TMEM196: variants seen among roughly 807,000 people sequenced by gnomAD.
TMEM196 encodes the protein transmembrane protein 196.
Under a neutral mutation model 20.0 loss-of-function variants are expected in TMEM196, and 17 were observed. The observed-to-expected ratio is 0.85, with a 90% CI of 0.58 to 1.27. The LOEUF is 1.27. Ranked by LOEUF, TMEM196 falls within the 50% of genes most tolerant of loss-of-function variation. The pLI is 0.00. For synonymous variants in TMEM196, 113 were observed against 88.9 expected, an observed-to-expected ratio of 1.27 and a Z score of -1.52; for missense variants, 267 against 223.0, an observed-to-expected ratio of 1.20 and a Z score of -1.26.
At position 19,769,049 on chromosome 7, in the gene TMEM196, GCTTTTACTTCCA is replaced by G. The variant is rs150585131; in HGVS notation, c.147+3489_147+3500del. Among the ~76,000 whole-genome samples the G allele has an allele frequency of 9.0e-3, 1,366 of 152,180 alleles. 19 individuals are homozygous for G. Among genetic ancestry groups the G allele is most frequent in the African/African-American group, 0.031 (1,283 of 41,536 alleles). The stretch of plus-strand genomic sequence containing the variant: ...ATAAAAATAATCCTTTTATAGTGCA[GCTTTTACTTCCA>G]CTGACTTTTAAATTTAATTCAGCAA... On this transcript the variant is annotated intron_variant, in intron 1 of 4. Coordinates refer to ENST00000405844, the MANE Select transcript of TMEM196 (RefSeq NM_001363562.2).
chr7:19,752,371 C>T (rs1785021936), intron 1 of TMEM196, among the ~76,000 whole-genome samples: 1 of 152,132 alleles, frequency 6.6e-6, no homozygotes, highest in Admixed American at 6.5e-5. Flanking sequence ...TCTCCTCCTA[C>T]GTCATTTTCA....
At position 19,751,043 on chromosome 7, in the gene TMEM196, A is replaced by AT. The variant is rs1481262658; in HGVS notation, c.147+21506dup. ...ATTCGAAATAAAGGATGTCATGATTATTTTTATTTTATATATTTCTTGTTA... is the reference window on the plus strand; with the variant it reads ...ATTCGAAATAAAGGATGTCATGATTATTTTTTATTTTATATATTTCTTGTTA... On this transcript the variant is annotated intron_variant, in intron 1 of 4. Coordinates refer to ENST00000405844, the MANE Select transcript of TMEM196 (RefSeq NM_001363562.2). Among the ~76,000 whole-genome samples, 5 of 152,176 alleles carry AT rather than the reference A, an allele frequency of 3.3e-5. No homozygotes were observed. In the East Asian group the frequency reaches 9.6e-4, roughly 29 times the overall value.
intron 1 of TMEM196, among the ~76,000 whole-genome samples, chr7:19,736,201 A>G (rs981035022): frequency 6.6e-6 from 1 of 151,620 alleles, no homozygotes; most frequent in African/African-American, 2.4e-5. Context: ...GGTTCAACAC[A>G]CAAAATGCAC....
intron 1 of TMEM196, among the ~76,000 whole-genome samples, chr7:19,735,015 C>T (rs1036164031): frequency 6.6e-6 from 1 of 152,064 alleles, no homozygotes; most frequent in African/African-American, 2.4e-5. Context: ...GCCAATACCC[C>T]AGGCGGTTTT....
At chr7:19,765,923 A>G (rs1785609354) in intron 1 of TMEM196, among the ~76,000 whole-genome samples, 2 of 152,170 alleles carry the variant, frequency 1.3e-5, no homozygotes, top group African/African-American at 4.8e-5. Context: ...TGGGAGAAAT[A>G]TTGAGAGCCA....
chr7:19,768,822 A>C (rs536324441), intron 1 of TMEM196, among the ~76,000 whole-genome samples: 1 of 152,160 alleles, frequency 6.6e-6, no homozygotes, highest in Non-Finnish European at 1.5e-5. Flanking sequence ...TCCCTGCCTG[A>C]TTAATCAGAT....
In TMEM196 at chr7:19,727,265, G is replaced by A. The variant is rs927008679; in HGVS notation, c.205-1497C>T. Among the ~76,000 whole-genome samples the A allele has an allele frequency of 2.2e-4, 34 of 152,088 alleles. 1 individual carries two copies. The highest frequency in any genetic ancestry group is 1.2e-4 in the Non-Finnish European group (8 of 67,992). On this transcript the variant is annotated intron_variant, in intron 2 of 4. Coordinates refer to ENST00000405844, the MANE Select transcript of TMEM196 (RefSeq NM_001363562.2). ...CCAGAATTTTAACATGGCATGATAA[G>A]TATTAAGAAAGGGATACATGTGTTG...
chr7:19,725,710 T>G lies in TMEM196; in HGVS notation c.263A>C (p.Gln88Pro). The G allele has an allele frequency of 6.2e-7, 1 of 1,613,138 alleles. No homozygotes were observed. Among genetic ancestry groups the G allele is most frequent in the East Asian group, 2.2e-5 (1 of 44,852 alleles). Residue 88 changes from glutamine (Q) to proline (P), a missense_variant, in exon 3 of 5, where the codon CAG becomes CCG. Coordinates refer to ENST00000405844, the MANE Select transcript of TMEM196 (RefSeq NM_001363562.2). Reference sequence around the variant, plus strand: ...TTTCTTTGTGACTGCCCGGAGGAACTGAAAATTCAGGATGCCCCCAATAAG... The same window carrying G: ...TTTCTTTGTGACTGCCCGGAGGAACGGAAAATTCAGGATGCCCCCAATAAG... Reference protein sequence around the residue: ...CGLIGGILNFQFLRAVTKKTS... With the variant: ...CGLIGGILNFPFLRAVTKKTS...
chr7:19,738,329 A>G (rs541789428), intron 1 of TMEM196, among the ~76,000 whole-genome samples: 50 of 152,242 alleles, frequency 3.3e-4, no homozygotes, highest in African/African-American at 8.4e-4. Flanking sequence ...AGTTGTAGGT[A>G]TCAGTATTAA....
At position 19,720,788 on chromosome 7, in the gene TMEM196, GC is replaced by G. The variant is rs1296321400; in HGVS notation, c.*1339del. 3 of 151,730 alleles carry G rather than the reference GC, an allele frequency of 2.0e-5. No individual in the cohort carries two copies. Among genetic ancestry groups the G allele is most frequent in the Non-Finnish European group, 4.4e-5 (3 of 67,770 alleles). 9.4% of individuals were successfully genotyped at this position (151,730 alleles called of 1,614,324 possible). The stretch of plus-strand genomic sequence containing the variant: ...ATATAGGCTTTCTTATATATGGACT[GC>G]CTATATTATTTCATGAGAATCGTAA... On this transcript the variant is annotated 3_prime_UTR_variant, in exon 5 of 5. Coordinates refer to ENST00000405844, the MANE Select transcript of TMEM196 (RefSeq NM_001363562.2).
At chr7:19,737,553 A>G (rs1784452905) in intron 1 of TMEM196, among the ~76,000 whole-genome samples, 1 of 152,030 alleles carries the variant, frequency 6.6e-6, no homozygotes, top group Admixed American at 6.6e-5. Flanking sequence ...TGGTATATTC[A>G]TACAATGCAG....
Position 19,772,773 on chromosome 7 carries a change from A to C in TMEM196, c.-77T>G. On this transcript the variant is annotated 5_prime_UTR_variant, in exon 1 of 5. Transcript: ENST00000405844. ...CTTTTTTTCTTCCACTATCCTCCTT[A>C]CCCCTTCCACCCCCTACCAGATCCC... 1.6e-6 allele frequency: 2 copies of C among 1,283,160 alleles called. No individual in the cohort carries two copies. The highest frequency in any genetic ancestry group is 2.0e-6 in the Non-Finnish European group (2 of 992,082). 79.5% of individuals were successfully genotyped at this position (1,283,160 alleles called of 1,614,324 possible).
chr7:19,721,018 C>G lies in TMEM196; in HGVS notation c.*1110G>C, dbSNP rs190777596. 1 of 151,890 alleles carries G rather than the reference C, an allele frequency of 6.6e-6. No individual in the cohort carries two copies. Among genetic ancestry groups the G allele is most frequent in the Admixed American group, 6.6e-5 (1 of 15,248 alleles). The allele number at this position is 151,890 out of a possible 1,614,324, so 9.4% of individuals were successfully genotyped here. ...TTCGTTTATAAATTAATTTTAATTGCTATACATAAATACTATAATCATAGT... is the reference window on the plus strand; with the variant it reads ...TTCGTTTATAAATTAATTTTAATTGGTATACATAAATACTATAATCATAGT... On this transcript the variant is annotated 3_prime_UTR_variant, in exon 5 of 5. Coordinates refer to ENST00000405844, the MANE Select transcript of TMEM196 (RefSeq NM_001363562.2).
At chr7:19,772,516 A>T (rs1300774476) in intron 1 of TMEM196, 34 bp downstream of exon 1, 1 of 1,508,264 alleles carries the variant, frequency 6.6e-7, no homozygotes, top group Admixed American at 2.2e-5. Flanking sequence ...AGAGAGAGTG[A>T]AATGGCTCAA....
At chr7:19,725,301 T>C (rs1487740192) in intron 3 of TMEM196, among the ~76,000 whole-genome samples, 1 of 152,214 alleles carries the variant, frequency 6.6e-6, no homozygotes, top group African/African-American at 2.4e-5. Flanking sequence ...CACTGTGTTT[T>C]TGAATAGACA....
intron 1 of TMEM196, among the ~76,000 whole-genome samples, chr7:19,731,152 CA>C (rs1784188052): frequency 6.6e-6 from 1 of 151,834 alleles, no homozygotes; most frequent in African/African-American, 2.4e-5. Flanking sequence ...ACATAACACT[CA>C]AAGGCAAAAA....
At position 19,773,207 on chromosome 7, in the gene TMEM196, CG is replaced by C. The variant is rs1455512124; in HGVS notation, c.-512del. The C allele has an allele frequency of 6.6e-6, 1 of 152,638 alleles. No individual in the cohort carries two copies. Among genetic ancestry groups the C allele is most frequent in the Non-Finnish European group, 1.5e-5 (1 of 68,370 alleles). 9.5% of individuals were successfully genotyped at this position (152,638 alleles called of 1,614,324 possible). A position where few individuals can be genotyped will look rare whatever the true frequency, so the allele number is the denominator to read the frequency against. On this transcript the variant is annotated 5_prime_UTR_variant, in exon 1 of 5. Transcript: ENST00000405844. ...CGAGTTTCTCTCTCCCTCTCCCGTT[CG>C]TCACCTCTCCTTTGTTTTCGTGGCA... is the stretch of plus-strand genomic sequence containing the variant.
At chr7:19,729,524 T>A in intron 1 of TMEM196, 86 bp from the exon 2 acceptor site, 1 of 1,214,590 alleles carries the variant, frequency 8.2e-7, no homozygotes, top group Non-Finnish European at 1.2e-6. Context: ...CATGACACTT[T>A]CTCCAGGGAA....
intron 1 of TMEM196, among the ~76,000 whole-genome samples, chr7:19,732,437 G>A (rs978931381): frequency 3.9e-5 from 6 of 151,984 alleles, no homozygotes; most frequent in African/African-American, 1.4e-4. Context: ...GCCGGGCGTG[G>A]TTGCAGTCAC....
Sources: gnomAD v4.1 joint callset for allele counts (sites outside exome capture counted in the v4.1 genomes callset) on GRCh38, gnomAD v4.1.1 for gene constraint, MANE v1.5 for transcripts, NCBI Gene and HGNC (gene_info 2026-07-23, HGNC 2026-07-21) for gene names.